Variants in KPNA6 observed in about 807,000 individuals in gnomAD.
The protein encoded by KPNA6 is karyopherin subunit alpha 6.
A neutral mutation model predicts 72.0 loss-of-function variants in KPNA6; 9 were observed. The ratio of observed to expected loss-of-function variants is 0.13; its 90% confidence interval spans 0.08 to 0.22. The LOEUF (loss-of-function observed/expected upper bound fraction) is 0.22. Ranked by LOEUF, KPNA6 falls within the 10% of genes least tolerant of loss-of-function variation. KPNA6 has a pLI of 1.00. For synonymous variants in KPNA6, 219 were observed against 242.1 expected (o/e 0.90, Z 0.89); for missense variants, 374 against 655.7 (o/e 0.57, Z 4.69).
intron 10 of KPNA6, 111 bp downstream of exon 10, chr1:32,163,424 C>T: frequency 1.3e-6 from 1 of 747,396 alleles, no homozygotes; most frequent in Admixed American, 2.1e-5. Context: ...ATGGGAGGCA[C>T]TATGGTCTAA....
At chr1:32,145,613 C>T (rs1014291801) in intron 1 of KPNA6, among the ~76,000 whole-genome samples, 2 of 152,190 alleles carry the variant, frequency 1.3e-5, no homozygotes, top group Admixed American at 6.5e-5. Flanking sequence ...ATGTGAGCCA[C>T]CCCGCCTGGT....
intron 1 of KPNA6, among the ~76,000 whole-genome samples, chr1:32,148,168 G>A (rs1419311380): frequency 6.6e-6 from 1 of 151,898 alleles, no homozygotes; most frequent in African/African-American, 2.4e-5. Context: ...ACAGTGGCAT[G>A]ATCTCGGCTC....
chr1:32,170,680 C>T (rs1031659974), intron 13 of KPNA6, 27 bp from the exon 14 acceptor site: 1 of 1,598,356 alleles, frequency 6.3e-7, no homozygotes, highest in Admixed American at 1.7e-5. Flanking sequence ...ACTCACACTT[C>T]CCTCTCCTTC....
chr1:32,127,405 G>A (rs1216968211), intron 1 of KPNA6, among the ~76,000 whole-genome samples: 1 of 152,116 alleles, frequency 6.6e-6, no homozygotes, highest in South Asian at 2.1e-4. Context: ...TTCTCACATG[G>A]GGCCTTAGAA....
Position 32,108,120 on chromosome 1 carries a change from G to A in KPNA6, c.-11G>A, listed in dbSNP as rs768616543. On this transcript the variant is annotated 5_prime_UTR_variant, in exon 1 of 14. Coordinates refer to ENST00000373625, the MANE Select transcript of KPNA6 (RefSeq NM_012316.5). ...TGCCTCCGCCGCCAAGAGTGAGCGA[G>A]CGGACCCGCGATGGGTGAGTGAGGA... 17 of 1,613,934 alleles carry A rather than the reference G, an allele frequency of 1.1e-5. No homozygotes were observed. In the East Asian group the frequency reaches 2.5e-4, roughly 23 times the overall value.
Position 32,108,144 on chromosome 1 carries a change from G to C in KPNA6, c.4+10G>C. 1 of 1,614,090 alleles carries C rather than the reference G, an allele frequency of 6.2e-7. No individual in the cohort carries two copies. Among genetic ancestry groups the C allele is most frequent in the Non-Finnish European group, 8.5e-7 (1 of 1,179,968 alleles). On this transcript the variant is annotated intron_variant, in intron 1 of 13. Coordinates refer to ENST00000373625, the MANE Select transcript of KPNA6 (RefSeq NM_012316.5). ...AGCGGACCCGCGATGGGTGAGTGAG[G>C]AAACCACGCAGTAGGGTTCTTGGGC...
At chr1:32,167,869 CAAAAA>C (rs943672938) in intron 12 of KPNA6, among the ~76,000 whole-genome samples, 21 of 140,928 alleles carry the variant, frequency 1.5e-4, no homozygotes, top group Non-Finnish European at 3.1e-5. Context: ...AAAAAAAAAA[CAAAAA>C]AAAACAAGCA....
intron 1 of KPNA6, among the ~76,000 whole-genome samples, chr1:32,109,486 G>T (rs975869725): frequency 2.2e-4 from 32 of 144,716 alleles, no homozygotes; most frequent in East Asian, 1.2e-3. Context: ...TTTTTGTTTT[G>T]TTTTTTTTTT....
At position 32,172,908 on chromosome 1, in the gene KPNA6, G is replaced by A. The variant is rs1035694511; in HGVS notation, c.*2014G>A. On this transcript the variant is annotated 3_prime_UTR_variant, in exon 14 of 14. Transcript: ENST00000373625. ...TTCTGCTTATAGACCTAAAGTTCAG[G>A]TACTTATTATTGGCCATTGATCTTG... The A allele has an allele frequency of 5.1e-6, 2 of 395,346 alleles. No homozygotes were observed. The highest frequency in any genetic ancestry group is 8.9e-6 in the Non-Finnish European group (2 of 224,782). 24.5% of individuals were successfully genotyped at this position (395,346 alleles called of 1,614,324 possible). A position where few individuals can be genotyped will look rare whatever the true frequency, so the allele number is the denominator to read the frequency against.
intron 7 of KPNA6, 57 bp downstream of exon 7, chr1:32,160,760 C>A (rs1378627349): frequency 8.4e-6 from 10 of 1,190,474 alleles, no homozygotes; most frequent in South Asian, 6.1e-5. Flanking sequence ...CGTGGCAGGT[C>A]ATTTGGGGGC....
At chr1:32,139,049 A>G (rs900453312) in intron 1 of KPNA6, among the ~76,000 whole-genome samples, 2 of 152,102 alleles carry the variant, frequency 1.3e-5, no homozygotes, top group Non-Finnish European at 2.9e-5. Flanking sequence ...ATACTCCTTT[A>G]CTTACCTATC....
At chr1:32,156,804 T>A (rs1212314287) in intron 2 of KPNA6, 49 bp from the exon 3 acceptor site, 2 of 1,377,272 alleles carry the variant, frequency 1.5e-6, no homozygotes, top group African/African-American at 2.9e-5. Flanking sequence ...TTGTTCTTTG[T>A]TTTCTTTGGT....
intron 6 of KPNA6, 70 bp downstream of exon 6, chr1:32,159,601 C>A: frequency 6.5e-7 from 1 of 1,535,664 alleles, no homozygotes; most frequent in Non-Finnish European, 8.9e-7. Flanking sequence ...TGGTCTTTGT[C>A]CTGGTTCTTG....
chr1:32,115,026 G>C (rs748246438), intron 1 of KPNA6, among the ~76,000 whole-genome samples: 1 of 152,114 alleles, frequency 6.6e-6, no homozygotes, highest in Non-Finnish European at 1.5e-5. Flanking sequence ...TTTTTATAGA[G>C]ACAGTGTTTC....
intron 12 of KPNA6, among the ~76,000 whole-genome samples, chr1:32,169,241 C>T (rs1246432134): frequency 6.6e-6 from 1 of 151,530 alleles, no homozygotes; most frequent in East Asian, 2.0e-4. Flanking sequence ...AATGGTGGCA[C>T]ACACCTGTAG....
intron 1 of KPNA6, among the ~76,000 whole-genome samples, chr1:32,114,002 C>T (rs1641283969): frequency 6.6e-6 from 1 of 152,164 alleles, no homozygotes. Flanking sequence ...GTATCAACTT[C>T]TTCCAAACTC....
chr1:32,165,274 T>A (rs1488973511), intron 10 of KPNA6, among the ~76,000 whole-genome samples: 1 of 152,052 alleles, frequency 6.6e-6, no homozygotes, highest in Non-Finnish European at 1.5e-5. Context: ...GGCCTTGAAC[T>A]CCTGTGCTGA....
At position 32,108,280 on chromosome 1, in the gene KPNA6, C is replaced by G. The variant is rs150331125; in HGVS notation, c.4+146C>G. The G allele has an allele frequency of 6.1e-4, 740 of 1,218,104 alleles. 6 individuals carry two copies. In the East Asian group the frequency reaches 0.016, roughly 27 times the overall value. 75.5% of individuals were successfully genotyped at this position (1,218,104 alleles called of 1,614,324 possible). On this transcript the variant is annotated intron_variant, in intron 1 of 13. Coordinates refer to ENST00000373625, the MANE Select transcript of KPNA6 (RefSeq NM_012316.5). ...GGGAAAAGTCAGGCCGGGAGTGCCC[C>G]TCTTGCCAGTTTTGGGCCGAGCTAG...
At chr1:32,127,149 T>G (rs1641551177) in intron 1 of KPNA6, among the ~76,000 whole-genome samples, 1 of 152,230 alleles carries the variant, frequency 6.6e-6, no homozygotes, top group African/African-American at 2.4e-5. Context: ...GAAATACCCC[T>G]GTTTTAGAGA....
Sources: allele counts gnomAD v4.1 joint callset (sites outside exome capture counted in the v4.1 genomes callset), GRCh38; gene constraint gnomAD v4.1.1; transcripts MANE v1.5; gene names NCBI Gene and HGNC (gene_info 2026-07-23, HGNC 2026-07-21).